The following DTNB variants were observed in gnomAD, a reference collection of about 807,000 sequenced individuals.
DTNB encodes the protein dystrobrevin beta, also known as DTN-B.
Under a neutral mutation model 90.7 loss-of-function variants are expected in DTNB, and 63 were observed. The observed-to-expected ratio is 0.69, with a 90% CI of 0.57 to 0.86. The LOEUF (loss-of-function observed/expected upper bound fraction) is 0.86, where lower values mean the gene tolerates loss of function less well. Ranked by LOEUF, DTNB falls within the 40% of genes least tolerant of loss-of-function variation. The pLI, the probability that DTNB is intolerant of heterozygous loss-of-function variation, is 0.00. For missense variants in DTNB, 744 were observed against 807.1 expected (o/e 0.92, Z 0.95); for synonymous variants, 277 against 286.7 (o/e 0.97, Z 0.34).
chr2:25,562,736 C>T (rs1215738535), intron 8 of DTNB, among the ~76,000 whole-genome samples: 1 of 152,004 alleles, frequency 6.6e-6, no homozygotes, highest in Admixed American at 6.6e-5. Flanking sequence ...GGAGAAACAC[C>T]CATTCAGATC....
At chr2:25,431,074 A>G (rs1483625027) in intron 14 of DTNB, among the ~76,000 whole-genome samples, 1 of 152,100 alleles carries the variant, frequency 6.6e-6, no homozygotes, top group Non-Finnish European at 1.5e-5. Context: ...CCAGCCCTTT[A>G]TGTGTCTTTT....
intron 18 of DTNB, among the ~76,000 whole-genome samples, chr2:25,385,450 G>A (rs1001892213): frequency 2.6e-5 from 4 of 152,168 alleles, no homozygotes; most frequent in African/African-American, 7.2e-5. Context: ...GAGGGATACC[G>A]TGCCATGTGT....
At chr2:25,475,664 A>T (rs1226003699) in intron 10 of DTNB, among the ~76,000 whole-genome samples, 1 of 152,228 alleles carries the variant, frequency 6.6e-6, no homozygotes, top group Non-Finnish European at 1.5e-5. Context: ...GCTAGAGAGA[A>T]GAAGTCAATG....
chr2:25,613,298 G>A (rs996483773), intron 4 of DTNB, among the ~76,000 whole-genome samples: 10 of 152,102 alleles, frequency 6.6e-5, no homozygotes, highest in African/African-American at 1.2e-4. Context: ...TATTACATGC[G>A]TATATTGCGT....
intron 9 of DTNB, among the ~76,000 whole-genome samples, chr2:25,513,242 G>C (rs991342746): frequency 1.3e-5 from 2 of 152,194 alleles, no homozygotes; most frequent in African/African-American, 4.8e-5. Context: ...GAGGCTCAAT[G>C]TCTGCATGAA....
At chr2:25,522,046 G>A (rs1328040828) in intron 9 of DTNB, among the ~76,000 whole-genome samples, 1 of 152,222 alleles carries the variant, frequency 6.6e-6, no homozygotes, top group Non-Finnish European at 1.5e-5. Context: ...ATTAGCAAGA[G>A]CAAATTGCTT....
rs1573687641 is a variant in DTNB at position 25,387,681 on chromosome 2, C to T, written c.1736-303G>A. On this transcript the variant is annotated intron_variant, in intron 17 of 20. Transcript: ENST00000406818. The surrounding 1 kb of genome is among the most constrained non-coding windows in gnomAD (Gnocchi z 4.5). Reference sequence around the variant, plus strand: ...AGCATTCCACCGAGGTCTTCCTCAGCCTTGTGGGGGTGGGGCTGTACTCTC... The same window carrying T: ...AGCATTCCACCGAGGTCTTCCTCAGTCTTGTGGGGGTGGGGCTGTACTCTC... 6.6e-6 allele frequency among the ~76,000 whole-genome samples: 1 copy of T among 152,184 alleles called. No individual in the cohort carries two copies. Among genetic ancestry groups the T allele is most frequent in the East Asian group, 1.9e-4 (1 of 5,188 alleles).
chr2:25,542,007 T>C (rs1472596046), intron 8 of DTNB, among the ~76,000 whole-genome samples: 1 of 152,258 alleles, frequency 6.6e-6, no homozygotes, highest in Non-Finnish European at 1.5e-5. Flanking sequence ...TAAGAGATGC[T>C]ATCAGATTTT....
At chr2:25,574,349 G>C (rs1037606588) in intron 8 of DTNB, among the ~76,000 whole-genome samples, 2 of 152,182 alleles carry the variant, frequency 1.3e-5, no homozygotes, top group African/African-American at 4.8e-5. Flanking sequence ...ATAAATCTCA[G>C]ATATGGTACC....
chr2:25,423,122 G>A (rs1461015878), intron 15 of DTNB, among the ~76,000 whole-genome samples: 5 of 152,104 alleles, frequency 3.3e-5, no homozygotes, highest in African/African-American at 7.2e-5. Context: ...ACTTGAATCC[G>A]GGAGGCAGAG....
intron 3 of DTNB, among the ~76,000 whole-genome samples, chr2:25,636,392 T>C (rs2077133126): frequency 1.3e-5 from 2 of 152,210 alleles, no homozygotes; most frequent in Non-Finnish European, 2.9e-5. Context: ...ATAAAACCTT[T>C]AGAACAATGC....
intron 9 of DTNB, among the ~76,000 whole-genome samples, chr2:25,515,357 T>TA (rs1255968339): frequency 3.9e-5 from 6 of 152,262 alleles, no homozygotes; most frequent in African/African-American, 1.4e-4. Context: ...GAAGAGAACT[T>TA]ACACTACCCA....
At chr2:25,443,516 C>T (rs561904351) in intron 12 of DTNB, among the ~76,000 whole-genome samples, 3 of 152,326 alleles carry the variant, frequency 2.0e-5, no homozygotes, top group South Asian at 2.1e-4. Context: ...AAAAAGAGCT[C>T]GGAGACTCCT....
chr2:25,562,524 A>G (rs2058418361), intron 8 of DTNB, among the ~76,000 whole-genome samples: 1 of 152,210 alleles, frequency 6.6e-6, no homozygotes, highest in Admixed American at 6.5e-5. Flanking sequence ...CAATGTGGCT[A>G]TACCATTTTA....
intron 9 of DTNB, among the ~76,000 whole-genome samples, chr2:25,483,880 C>T (rs1057031135): frequency 1.3e-5 from 2 of 152,184 alleles, no homozygotes; most frequent in African/African-American, 4.8e-5. Context: ...AAACCACATA[C>T]ATTATAACAG....
chr2:25,380,577 A>G (rs115287403), intron 19 of DTNB, among the ~76,000 whole-genome samples: 2,384 of 152,382 alleles, frequency 0.016, 61 homozygotes, highest in African/African-American at 0.051. Context: ...ACATACAGAC[A>G]TTCTGGTATA....
At chr2:25,383,510 C>T (rs1207209216) in intron 19 of DTNB, among the ~76,000 whole-genome samples, 1 of 152,172 alleles carries the variant, frequency 6.6e-6, no homozygotes, top group African/African-American at 2.4e-5. Flanking sequence ...TGAGCCACCG[C>T]ACCTGGCCTG....
intron 11 of DTNB, 93 bp downstream of exon 11, chr2:25,455,312 G>T: frequency 8.5e-7 from 1 of 1,173,984 alleles, no homozygotes; most frequent in Non-Finnish European, 1.2e-6. Context: ...AACCTGACAT[G>T]CAGTTTTTTT....
chr2:25,600,231 C>CA (rs1389301057), intron 5 of DTNB, among the ~76,000 whole-genome samples: 6 of 152,238 alleles, frequency 3.9e-5, no homozygotes, highest in Non-Finnish European at 8.8e-5. Context: ...CCTTCTCGCT[C>CA]ACTAGCTGAG....
Sources: gnomAD v4.1 joint callset for allele counts (sites outside exome capture counted in the v4.1 genomes callset) on GRCh38, gnomAD v4.1.1 for gene constraint, Gnocchi (gnomAD v3.1) non-coding constraint, MANE v1.5 for transcripts, NCBI Gene and HGNC (gene_info 2026-07-23, HGNC 2026-07-21) for gene names.